The following PTPRN2 variants were observed in gnomAD, a reference collection of about 807,000 sequenced individuals.
The protein encoded by PTPRN2 is receptor-type tyrosine-protein phosphatase N2.
In PTPRN2, 74 loss-of-function variants were observed where a neutral mutation model predicts 118.8. The ratio of observed to expected loss-of-function variants is 0.62; its 90% CI spans 0.52 to 0.76. The LOEUF (loss-of-function observed/expected upper bound fraction) is 0.76. Ranked by LOEUF, PTPRN2 falls within the 30% of genes least tolerant of loss-of-function variation. The probability of loss-of-function intolerance (pLI) is 0.00; values close to 1 mark genes in which losing one functional copy is unlikely to be tolerated. For missense variants in PTPRN2, 1,481 were observed against 1,394.4 expected (o/e 1.06, Z -0.99); for synonymous variants, 641 against 608.0 (o/e 1.05, Z -0.80).
intron 2 of PTPRN2, among the ~76,000 whole-genome samples, chr7:158,468,177 T>C (rs1819527156): frequency 6.6e-6 from 1 of 152,262 alleles, no homozygotes. Context: ...CAATTTTGCA[T>C]TGCAATTTGC....
chr7:158,170,305 G>A (rs1054569584), intron 5 of PTPRN2, among the ~76,000 whole-genome samples: 2 of 152,162 alleles, frequency 1.3e-5, no homozygotes, highest in Non-Finnish European at 2.9e-5. Flanking sequence ...GGGGGGTGGG[G>A]ATCTGCGTCC....
chr7:158,545,738 C>T (rs1191075852), intron 1 of PTPRN2, among the ~76,000 whole-genome samples: 3 of 152,202 alleles, frequency 2.0e-5, no homozygotes, highest in Non-Finnish European at 2.9e-5. Context: ...GTGGCTCACA[C>T]CTGTAATCCC....
intron 6 of PTPRN2, among the ~76,000 whole-genome samples, chr7:158,161,966 A>C (rs1207440014): frequency 6.6e-6 from 1 of 152,234 alleles, no homozygotes; most frequent in Non-Finnish European, 1.5e-5. Context: ...TACACAGATG[A>C]AAACAAGCAT....
intron 3 of PTPRN2, among the ~76,000 whole-genome samples, chr7:158,250,932 A>G (rs1796613726): frequency 6.6e-6 from 1 of 152,160 alleles, no homozygotes; most frequent in Non-Finnish European, 1.5e-5. Flanking sequence ...AATTTTCCAA[A>G]AGAAAAAAGG....
intron 2 of PTPRN2, among the ~76,000 whole-genome samples, chr7:158,376,483 G>A (rs1233311048): frequency 2.7e-5 from 4 of 146,336 alleles, no homozygotes; most frequent in African/African-American, 1.0e-4. Flanking sequence ...CTGAGAGGGG[G>A]GTCAGTGGAC....
chr7:158,421,490 G>A (rs868341007), intron 2 of PTPRN2, among the ~76,000 whole-genome samples: 2 of 152,216 alleles, frequency 1.3e-5, no homozygotes, highest in African/African-American at 4.8e-5. Flanking sequence ...CTCCAAGTGA[G>A]ATATGTCAAG....
intron 11 of PTPRN2, among the ~76,000 whole-genome samples, chr7:158,018,437 G>C (rs73169772): frequency 0.052 from 7,885 of 152,310 alleles, 253 homozygotes; most frequent in Admixed American, 0.085. Flanking sequence ...AGAAAACCGT[G>C]AAGCTGGATC....
intron 2 of PTPRN2, among the ~76,000 whole-genome samples, chr7:158,404,399 C>G (rs548275130): frequency 1.1e-4 from 16 of 152,280 alleles, no homozygotes; most frequent in African/African-American, 3.6e-4. Context: ...ATTAAAACCT[C>G]CTGCTGCAGG....
intron 12 of PTPRN2, among the ~76,000 whole-genome samples, chr7:157,691,080 C>A (rs946176009): frequency 8.0e-5 from 10 of 124,864 alleles, no homozygotes; most frequent in African/African-American, 2.0e-4. Flanking sequence ...CCCCCCCCCC[C>A]CACATGTTGC....
intron 22 of PTPRN2, among the ~76,000 whole-genome samples, chr7:157,542,167 G>A (rs1219650863): frequency 6.6e-6 from 1 of 152,134 alleles, no homozygotes; most frequent in South Asian, 2.1e-4. Flanking sequence ...GGGAAGGTCC[G>A]CAAACGTTCT....
chr7:158,387,577 A>ACTGGACTCCAGGGG (rs1586542379), intron 2 of PTPRN2, among the ~76,000 whole-genome samples: 1 of 151,180 alleles, frequency 6.6e-6, no homozygotes, highest in Non-Finnish European at 1.5e-5. Flanking sequence ...CTGTCAGCTC[A>ACTGGACTCCAGGGG]GCTTGGCCCG....
At chr7:158,013,559 A>T (rs1392108102) in intron 11 of PTPRN2, among the ~76,000 whole-genome samples, 3 of 151,726 alleles carry the variant, frequency 2.0e-5, no homozygotes, top group Non-Finnish European at 4.4e-5. Flanking sequence ...ATCCAAACAT[A>T]CATTAATCTA....
At chr7:158,485,736 A>T (rs961907879) in intron 2 of PTPRN2, among the ~76,000 whole-genome samples, 1 of 152,080 alleles carries the variant, frequency 6.6e-6, no homozygotes, top group East Asian at 1.9e-4. Context: ...TAGCAGGAAC[A>T]TGCTCACGTG....
At chr7:158,394,140 C>T (rs1812150468) in intron 2 of PTPRN2, among the ~76,000 whole-genome samples, 1 of 150,486 alleles carries the variant, frequency 6.6e-6, no homozygotes. Context: ...CCACGGACAC[C>T]TCAACCCCTC....
At chr7:158,387,052 C>G (rs868849575) in intron 2 of PTPRN2, among the ~76,000 whole-genome samples, 2 of 152,112 alleles carry the variant, frequency 1.3e-5, no homozygotes, top group Non-Finnish European at 2.9e-5. Context: ...TTTGATGACG[C>G]GTCTCTGTGG....
At chr7:158,102,758 G>A (rs1311706182) in intron 10 of PTPRN2, among the ~76,000 whole-genome samples, 1 of 149,520 alleles carries the variant, frequency 6.7e-6, no homozygotes, top group Non-Finnish European at 1.5e-5. Context: ...AGATGCAAGT[G>A]TGCACTTGCA....
At chr7:158,334,119 C>A (rs1189765212) in intron 2 of PTPRN2, among the ~76,000 whole-genome samples, 1 of 54,910 alleles carries the variant, frequency 1.8e-5, no homozygotes, top group African/African-American at 6.1e-5. Flanking sequence ...ACGTCACTCA[C>A]ACCCACACTC....
chr7:158,549,758 C>G (rs950716153), intron 1 of PTPRN2, among the ~76,000 whole-genome samples: 3 of 152,242 alleles, frequency 2.0e-5, no homozygotes, highest in Non-Finnish European at 4.4e-5. Context: ...GTGAGAACAC[C>G]GATTCACTCC....
At chr7:158,257,927 G>A (rs75174290) in intron 3 of PTPRN2, among the ~76,000 whole-genome samples, 7,095 of 152,294 alleles carry the variant, frequency 0.047, 191 homozygotes, top group East Asian at 0.11. Flanking sequence ...TCCTCTGAGC[G>A]CTGCCTCAGC....
Sources: allele counts gnomAD v4.1 joint callset (sites outside exome capture counted in the v4.1 genomes callset), GRCh38; gene constraint gnomAD v4.1.1; transcripts MANE v1.5; gene names NCBI Gene and HGNC (gene_info 2026-07-23, HGNC 2026-07-21).